MFN2: variants seen among roughly 807,000 people sequenced by gnomAD.
MFN2 encodes the protein mitofusin-2.
In MFN2, 43 loss-of-function variants were observed where a neutral mutation model predicts 87.5. That is an observed-to-expected ratio of 0.49 (90% CI 0.38 to 0.63). The LOEUF (loss-of-function observed/expected upper bound fraction) is 0.63, where lower values mean the gene tolerates loss of function less well. Ranked by LOEUF, MFN2 falls within the 30% of genes least tolerant of loss-of-function variation. The pLI, the probability that MFN2 is intolerant of heterozygous loss-of-function variation, is 0.00. For synonymous variants in MFN2, 337 were observed against 359.9 expected (o/e 0.94, Z 0.72); for missense variants, 743 against 972.8 (o/e 0.76, Z 3.14).
chr1:11,997,457 G>A, intron 6 of MFN2, 36 bp downstream of exon 6: 1 of 1,612,986 alleles, frequency 6.2e-7, no homozygotes, highest in Non-Finnish European at 8.5e-7. Context: ...GGTCCAAACT[G>A]GAAGGCACCA....
At chr1:12,001,870 G>T in intron 10 of MFN2, 34 bp downstream of exon 10, 1 of 1,613,766 alleles carries the variant, frequency 6.2e-7, no homozygotes, top group South Asian at 1.1e-5. Flanking sequence ...TGGCGATTCT[G>T]TGCCTCCCCA....
At chr1:12,008,336 C>T (rs1639515296) in intron 17 of MFN2, among the ~76,000 whole-genome samples, 1 of 151,128 alleles carries the variant, frequency 6.6e-6, no homozygotes, top group Admixed American at 6.6e-5. Context: ...TGGGCAGAGG[C>T]GCCCCCCACC....
At chr1:11,996,018 CTT>C (rs1312859232) in intron 4 of MFN2, 136 bp from the exon 5 acceptor site, 3 of 1,062,700 alleles carry the variant, frequency 2.8e-6, no homozygotes, top group Non-Finnish European at 4.3e-6. Flanking sequence ...AGTGCCTACT[CTT>C]TGTCTCTCAG....
intron 8 of MFN2, among the ~76,000 whole-genome samples, chr1:11,999,631 T>TA (rs1304609016): frequency 6.6e-6 from 1 of 151,538 alleles, no homozygotes; most frequent in African/African-American, 2.4e-5. Context: ...GTGCTGGGAT[T>TA]ACAGGCATGA....
At chr1:11,982,689 C>T (rs1041719373) in intron 2 of MFN2, 1 of 152,184 alleles carries the variant, frequency 6.6e-6, no homozygotes, top group Non-Finnish European at 1.5e-5. Context: ...ATACCTAATA[C>T]TCCTCAACGA....
chr1:12,001,471 A>G lies in MFN2; in HGVS notation c.887A>G (p.Gln296Arg), dbSNP rs751685400. 5.6e-6 allele frequency: 9 copies of G among 1,613,998 alleles called. No homozygotes were observed. The African/African-American group carries it at 1.1e-4, about 19-fold the overall frequency. ...GAGCTGGGCGTGGTGGATCGATCCC[A>G]GGCCGGGGACCGCATCTTCTTTGTG... ...VDELGVVDRS[Q>R]AGDRIFFVSA... Residue 296 changes from glutamine (Q) to arginine (R), a missense_variant, in exon 9 of 19, where the codon CAG (glutamine) becomes CGG (arginine). Gln to Arg is a conservative substitution (Grantham distance 43). Around this residue, in one of 3 missense-constraint regions of MFN2, gnomAD observed 571 missense variants for 670.7 expected, o/e 0.85. Transcript: ENST00000235329.
intron 2 of MFN2, among the ~76,000 whole-genome samples, chr1:11,987,258 G>C (rs939739405): frequency 3.3e-5 from 5 of 151,000 alleles, no homozygotes; most frequent in African/African-American, 1.2e-4. Context: ...GTTGTAGTGA[G>C]CTGAGATTGC....
intron 8 of MFN2, among the ~76,000 whole-genome samples, chr1:11,999,470 A>G (rs892879429): frequency 1.6e-4 from 25 of 152,142 alleles, no homozygotes; most frequent in African/African-American, 1.9e-4. Flanking sequence ...CTGGTGACTT[A>G]CAACTCTTAG....
chr1:11,986,673 T>G (rs1261442332), intron 2 of MFN2, among the ~76,000 whole-genome samples: 1 of 150,814 alleles, frequency 6.6e-6, no homozygotes, highest in Non-Finnish European at 1.5e-5. Flanking sequence ...TCACTGCAAC[T>G]TCCAGCTCCC....
chr1:12,004,185 C>T lies in MFN2; in HGVS notation c.1287+67C>T. The T allele has an allele frequency of 6.3e-7, 1 of 1,597,336 alleles. No individual in the cohort carries two copies. The highest frequency in any genetic ancestry group is 8.6e-7 in the Non-Finnish European group (1 of 1,168,184). On this transcript the variant is annotated intron_variant, in intron 12 of 18. Transcript: ENST00000235329. This position sits in a 1 kb window ranked among gnomAD's most constrained non-coding sequence, Gnocchi z 4.2. ...CGAGTAGAGTCCAGAAGAAAGCAGA[C>T]CTCCTCCTCTTAGGGACTTCTCAGC...
chr1:12,007,362 C>T (rs1268936538), intron 17 of MFN2, 113 bp downstream of exon 17: 7 of 1,327,056 alleles, frequency 5.3e-6, no homozygotes, highest in Non-Finnish European at 6.3e-6. Flanking sequence ...TCCTAAGCAT[C>T]GTAGACCCTG....
chr1:12,008,585 G>A (rs1639540850), intron 17 of MFN2, among the ~76,000 whole-genome samples: 1 of 151,898 alleles, frequency 6.6e-6, no homozygotes, highest in Admixed American at 6.5e-5. Flanking sequence ...CTGCCGGGCA[G>A]AGACGCTCCT....
chr1:12,010,834 G>A (rs906788975), intron 18 of MFN2, among the ~76,000 whole-genome samples: 5 of 151,906 alleles, frequency 3.3e-5, no homozygotes, highest in Admixed American at 2.6e-4. Flanking sequence ...ATCAGCACAC[G>A]GGGACCCTGC....
At chr1:11,991,950 A>AAAAAAAAAAG (rs1202436105) in intron 3 of MFN2, among the ~76,000 whole-genome samples, 2 of 142,664 alleles carry the variant, frequency 1.4e-5, no homozygotes, top group African/African-American at 2.8e-5. Flanking sequence ...AAAAAAAAAA[A>AAAAAAAAAAG]AAGAAGTGAC....
At position 11,982,075 on chromosome 1, in the gene MFN2, A is replaced by G. The variant is rs535739401; in HGVS notation, c.-44A>G. 1 of 152,314 alleles carries G rather than the reference A, an allele frequency of 6.6e-6. No homozygotes were observed. Among genetic ancestry groups the G allele is most frequent in the African/African-American group, 2.4e-5 (1 of 41,552 alleles). 9.4% of individuals were successfully genotyped at this position (152,314 alleles called of 1,614,324 possible). On this transcript the variant is annotated 5_prime_UTR_variant, in exon 2 of 19. The change abolishes an upstream ATG in the 5' untranslated region. Transcript: ENST00000235329. ...TGTCTTTTGGACTTCAGCCATGTCC[A>G]TGATGCCTACCCTGTGAAGATCTCT...
intron 2 of MFN2, among the ~76,000 whole-genome samples, chr1:11,983,700 C>T (rs1265101255): frequency 6.6e-6 from 1 of 152,098 alleles, no homozygotes; most frequent in Non-Finnish European, 1.5e-5. Context: ...AGTAGGGAGT[C>T]AGCAGTCAAA....
At chr1:12,002,589 G>A (rs1383470782) in intron 11 of MFN2, among the ~76,000 whole-genome samples, 1 of 152,208 alleles carries the variant, frequency 6.6e-6, no homozygotes, top group Admixed American at 6.5e-5. Context: ...TTGGGAGGCT[G>A]AGGCAGGAGG....
intron 5 of MFN2, among the ~76,000 whole-genome samples, chr1:11,996,564 C>T (rs903524953): frequency 2.0e-5 from 3 of 152,190 alleles, no homozygotes; most frequent in East Asian, 3.8e-4. Context: ...TGAGTGGCCA[C>T]TGACCTCTCT....
rs1286671408 is a variant in MFN2 at position 12,003,751 on chromosome 1, CT to C, written c.1161-239del. On this transcript the variant is annotated intron_variant, in intron 11 of 18. Coordinates refer to ENST00000235329, the MANE Select transcript of MFN2 (RefSeq NM_014874.4). The surrounding 1 kb of genome is among the most constrained non-coding windows in gnomAD (Gnocchi z 4.1). ...AATTGGCAGAATTTGTTTAAACCCCCTTAAAGCGCCCTCCCTGTTTTGTGCC... is the reference window on the plus strand; with the variant it reads ...AATTGGCAGAATTTGTTTAAACCCCCTAAAGCGCCCTCCCTGTTTTGTGCC... 1.3e-5 allele frequency among the ~76,000 whole-genome samples: 2 copies of C among 152,204 alleles called. No homozygotes were observed. The highest frequency in any genetic ancestry group is 6.5e-5 in the Admixed American group (1 of 15,276).
Sources: gnomAD v4.1 joint callset for allele counts (sites outside exome capture counted in the v4.1 genomes callset) on GRCh38, gnomAD v4.1.1 for gene constraint, gnomAD v4.1.1 regional missense constraint, Gnocchi (gnomAD v3.1) non-coding constraint, MANE v1.5 for transcripts, NCBI Gene and HGNC (gene_info 2026-07-23, HGNC 2026-07-21) for gene names.